MAN1A1: variants seen among roughly 807,000 people sequenced by gnomAD.
MAN1A1 encodes mannosyl-oligosaccharide 1,2-alpha-mannosidase IA.
In MAN1A1, 29 loss-of-function variants were observed where a neutral mutation model predicts 70.8. The observed-to-expected ratio is 0.41, with a 90% CI of 0.31 to 0.56. The LOEUF (loss-of-function observed/expected upper bound fraction) is 0.56, where lower values mean the gene tolerates loss of function less well. MAN1A1 is among the 20% of genes least tolerant of loss of function. MAN1A1 has a pLI of 0.29. For synonymous variants in MAN1A1, 349 were observed against 330.1 expected (o/e 1.06, Z -0.62); for missense variants, 747 against 841.3 (o/e 0.89, Z 1.39).
intron 5 of MAN1A1, among the ~76,000 whole-genome samples, chr6:119,252,444 T>C (rs1055848851): frequency 6.6e-6 from 1 of 152,188 alleles, no homozygotes; most frequent in East Asian, 1.9e-4. Flanking sequence ...ACCTACAACA[T>C]CAACAACACA....
intron 3 of MAN1A1, among the ~76,000 whole-genome samples, chr6:119,302,880 C>T (rs1400573797): frequency 6.6e-6 from 1 of 152,200 alleles, no homozygotes; most frequent in African/African-American, 2.4e-5. Flanking sequence ...CTGATGCTAA[C>T]TACCCTCCAT....
chr6:119,188,147 T>C (rs1451421446), intron 11 of MAN1A1, among the ~76,000 whole-genome samples: 2 of 152,232 alleles, frequency 1.3e-5, no homozygotes, highest in Non-Finnish European at 2.9e-5. Context: ...GGGAACTTAA[T>C]TTTAGACTAT....
intron 6 of MAN1A1, among the ~76,000 whole-genome samples, chr6:119,241,001 A>C (rs147900145): frequency 6.6e-6 from 1 of 152,292 alleles, no homozygotes; most frequent in East Asian, 1.9e-4. Context: ...AGCTGTTTAT[A>C]GTAAAGCCAT....
At chr6:119,293,055 T>C (rs1325527792) in intron 4 of MAN1A1, among the ~76,000 whole-genome samples, 2 of 152,084 alleles carry the variant, frequency 1.3e-5, no homozygotes, top group Non-Finnish European at 2.9e-5. Flanking sequence ...CTGGTAACAG[T>C]TTCCCACATT....
At chr6:119,259,112 G>GCTTT (rs2114348264) in intron 5 of MAN1A1, among the ~76,000 whole-genome samples, 1 of 152,276 alleles carries the variant, frequency 6.6e-6, no homozygotes, top group African/African-American at 2.4e-5. Flanking sequence ...AAGCTGCTGA[G>GCTTT]CTTTCATGTC....
chr6:119,255,991 CA>C (rs1397478655), intron 5 of MAN1A1, among the ~76,000 whole-genome samples: 2 of 152,112 alleles, frequency 1.3e-5, no homozygotes, highest in Non-Finnish European at 2.9e-5. Context: ...TGATTCAATA[CA>C]ATTCAATTTT....
Position 119,204,778 on chromosome 6 carries a change from T to A in MAN1A1, c.1097A>T (p.Asn366Ile), listed in dbSNP as rs754365462. ...TCTCACCTTTTCAGCAAAGATGGGGTTTCCTGATAAGTGGCTCAAGTGCAT... is the reference window on the plus strand; with the variant it reads ...TCTCACCTTTTCAGCAAAGATGGGGATTCCTGATAAGTGGCTCAAGTGCAT... ...EFMHLSHLSG[N>I]PIFAEKVMNI... Residue 366 changes from asparagine (N) to isoleucine (I), a missense_variant, in exon 7 of 13, where the codon AAC becomes ATC. Physicochemically the swap from Asn to Ile is moderately radical, Grantham distance 149. This residue lies in a region of MAN1A1 where 419 missense variants were observed against 548.2 expected (regional missense o/e 0.76). Transcript: ENST00000368468. 1.2e-6 allele frequency: 2 copies of A among 1,613,836 alleles called. No individual in the cohort carries two copies. The highest frequency in any genetic ancestry group is 4.5e-5 in the East Asian group (2 of 44,872).
chr6:119,286,425 CTG>C (rs1430458351), intron 5 of MAN1A1, among the ~76,000 whole-genome samples: 2 of 152,126 alleles, frequency 1.3e-5, no homozygotes, highest in African/African-American at 2.4e-5. Flanking sequence ...CTACTCCCCT[CTG>C]TGTTTCCTCC....
chr6:119,211,323 GT>G (rs916082133), intron 6 of MAN1A1, among the ~76,000 whole-genome samples: 5 of 152,134 alleles, frequency 3.3e-5, no homozygotes, highest in African/African-American at 1.2e-4. Flanking sequence ...TCCAAATTCT[GT>G]CCTATGGTCT....
intron 5 of MAN1A1, among the ~76,000 whole-genome samples, chr6:119,262,353 T>C (rs1775634503): frequency 6.6e-6 from 1 of 151,554 alleles, no homozygotes; most frequent in Admixed American, 6.6e-5. Context: ...GCAGTGATAA[T>C]AAAAACAAAT....
At position 119,180,413 on chromosome 6, in the gene MAN1A1, A is replaced by G. The variant is rs1773118978; in HGVS notation, c.1734T>C (p.His578=). The part of the protein sequence containing the change: ...AWEAVEALEN[H]CRVNGGYSGL... ...CTGAATAGCCTCCATTCACTCTGCAATGGTTTTCCAAGGCCTAAATTATAG... is the reference window on the plus strand; with the variant it reads ...CTGAATAGCCTCCATTCACTCTGCAGTGGTTTTCCAAGGCCTAAATTATAG... Residue 578 remains histidine (H), a synonymous_variant, in exon 12 of 13, where the codon CAT becomes CAC. Coordinates refer to ENST00000368468, the MANE Select transcript of MAN1A1 (RefSeq NM_005907.4). 2 of 1,605,002 alleles carry G rather than the reference A, an allele frequency of 1.2e-6. No individual in the cohort carries two copies. Among genetic ancestry groups the G allele is most frequent in the Non-Finnish European group, 8.5e-7 (1 of 1,174,044 alleles).
intron 5 of MAN1A1, among the ~76,000 whole-genome samples, chr6:119,267,738 A>G (rs569050971): frequency 1.3e-5 from 2 of 152,300 alleles, no homozygotes; most frequent in East Asian, 1.9e-4. Flanking sequence ...ACTATCTTAT[A>G]TGGTTTTAGC....
chr6:119,248,479 C>T (rs543579068), intron 5 of MAN1A1, 125 bp from the exon 6 acceptor site: 7 of 621,946 alleles, frequency 1.1e-5, no homozygotes, highest in African/African-American at 1.1e-4. Context: ...TAATATCTGA[C>T]AAAAAGTTTA....
At chr6:119,271,321 A>C (rs1775916884) in intron 5 of MAN1A1, among the ~76,000 whole-genome samples, 2 of 152,188 alleles carry the variant, frequency 1.3e-5, no homozygotes, top group South Asian at 2.1e-4. Context: ...CCATTACTTA[A>C]ATCAATTAAA....
In MAN1A1 at chr6:119,232,717, G is replaced by GTA. The variant is rs1341568221; in HGVS notation, c.992+15541_992+15542dup. On this transcript the variant is annotated intron_variant, in intron 6 of 12. Transcript: ENST00000368468. ...TGTGTGTGTGTGTGTGTGTGTGTGTGTATATTTGGAAATCCTTGTAGGCTA... is the reference window on the plus strand; with the variant it reads ...TGTGTGTGTGTGTGTGTGTGTGTGTGTATATATTTGGAAATCCTTGTAGGCTA... 9.0e-4 allele frequency among the ~76,000 whole-genome samples: 116 copies of GTA among 129,578 alleles called. 1 individual carries two copies. The highest frequency in any genetic ancestry group is 3.0e-3 in the South Asian group (13 of 4,310). 85.0% of individuals were successfully genotyped at this position (129,578 alleles called of 152,430 possible). A position where few individuals can be genotyped will look rare whatever the true frequency, so the allele number is the denominator to read the frequency against.
intron 5 of MAN1A1, among the ~76,000 whole-genome samples, chr6:119,275,341 C>A (rs1298116445): frequency 7.2e-4 from 75 of 103,544 alleles, no homozygotes; most frequent in African/African-American, 1.1e-3. Context: ...GAGTCTCGCT[C>A]TGTCGCCCAG....
At chr6:119,259,901 T>C (rs1775560895) in intron 5 of MAN1A1, among the ~76,000 whole-genome samples, 1 of 152,184 alleles carries the variant, frequency 6.6e-6, no homozygotes, top group African/African-American at 2.4e-5. Context: ...ATCACAAAAT[T>C]AGACATAAAA....
At chr6:119,339,455 G>T (rs1044125210) in intron 2 of MAN1A1, among the ~76,000 whole-genome samples, 1 of 152,208 alleles carries the variant, frequency 6.6e-6, no homozygotes, top group Non-Finnish European at 1.5e-5. Flanking sequence ...AACATAAAAT[G>T]ACACTTGCAA....
chr6:119,195,776 AAGT>A (rs1453550288), intron 8 of MAN1A1, among the ~76,000 whole-genome samples: 1 of 152,152 alleles, frequency 6.6e-6, no homozygotes, highest in African/African-American at 2.4e-5. Flanking sequence ...CCATGTTTTA[AAGT>A]AGTTAAGTAT....
Sources: allele counts gnomAD v4.1 joint callset (sites outside exome capture counted in the v4.1 genomes callset), GRCh38; gene constraint gnomAD v4.1.1; regional missense constraint gnomAD v4.1.1; transcripts MANE v1.5; gene names NCBI Gene and HGNC (gene_info 2026-07-23, HGNC 2026-07-21).